Variants in NOBOX observed in about 807,000 individuals in gnomAD.
The protein encoded by NOBOX is NOBOX oogenesis homeobox, also known as homeobox protein NOBOX.
In NOBOX, 46 loss-of-function variants were observed where a neutral mutation model predicts 60.2. The ratio of observed to expected loss-of-function variants is 0.76; its 90% confidence interval spans 0.60 to 0.98. The LOEUF is 0.98. Among genes scored for constraint, NOBOX ranks in the 50% least tolerant of loss-of-function variants. The pLI is 0.00. For synonymous variants in NOBOX, 360 were observed against 346.3 expected (o/e 1.04, Z -0.44); for missense variants, 880 against 865.5 (o/e 1.02, Z -0.21).
chr7:144,409,590 T>C (rs959072327), intron 1 of NOBOX, among the ~76,000 whole-genome samples: 10 of 152,250 alleles, frequency 6.6e-5, no homozygotes, highest in Admixed American at 1.3e-4. Context: ...GGCAGTACTG[T>C]TATTTAACTA....
chr7:144,401,954 C>T lies in NOBOX; in HGVS notation c.211-4G>A, dbSNP rs375312683. 1.8e-5 allele frequency: 29 copies of T among 1,605,926 alleles called. No individual in the cohort carries two copies. Among genetic ancestry groups the T allele is most frequent in the South Asian group, 3.3e-5 (3 of 90,694 alleles). On this transcript the variant is annotated splice_polypyrimidine_tract_variant and splice_region_variant and intron_variant, in intron 2 of 9. Transcript: ENST00000467773. The surrounding 1 kb of genome is among the most constrained non-coding windows in gnomAD (Gnocchi z 4.2). ...TCTCTAAGGGATCATGTTGGGGCTG[C>T]GGATGGACCAGGAAGACAAAGAGAA...
At chr7:144,402,012 C>T (rs989011365) in intron 2 of NOBOX, 21 of 1,263,402 alleles carry the variant, frequency 1.7e-5, no homozygotes, top group African/African-American at 7.4e-5. Context: ...TCTCCCAAGG[C>T]GGGATGCTGT....
chr7:144,398,629 G>A, intron 8 of NOBOX, 43 bp from the exon 7 acceptor site: 2 of 1,385,574 alleles, frequency 1.4e-6, no homozygotes, highest in Non-Finnish European at 2.0e-6. Context: ...AGGGGTGGGG[G>A]AGCTCCCCGT....
At position 144,402,748 on chromosome 7, in the gene NOBOX, A is replaced by ATTTT. The variant is rs1218483822; in HGVS notation, c.211-802_211-799dup. The stretch of plus-strand genomic sequence containing the variant: ...CATGAGATAGGTCTTAAGGAATAAC[A>ATTTT]TTTTTTTTTTTTTTTTTTTTTTTTT... On this transcript the variant is annotated intron_variant, in intron 2 of 9. Coordinates refer to ENST00000467773, the MANE Select transcript of NOBOX (RefSeq NM_001080413.3). Among the ~76,000 whole-genome samples the ATTTT allele has an allele frequency of 2.6e-4, 24 of 93,418 alleles. 1 individual carries two copies. Among genetic ancestry groups the ATTTT allele is most frequent in the African/African-American group, 5.3e-4 (12 of 22,532 alleles). 61.3% of individuals were successfully genotyped at this position (93,418 alleles called of 152,430 possible). A position where few individuals can be genotyped will look rare whatever the true frequency, so the allele number is the denominator to read the frequency against.
At chr7:144,409,845 C>A (rs906462663) in intron 1 of NOBOX, among the ~76,000 whole-genome samples, 1 of 152,148 alleles carries the variant, frequency 6.6e-6, no homozygotes, top group African/African-American at 2.4e-5. Flanking sequence ...GATAGCTAAG[C>A]GTAACTTCAA....
chr7:144,403,581 T>C lies in NOBOX; in HGVS notation c.210+975A>G, dbSNP rs577140295. Reference sequence around the variant, plus strand: ...GCTCTTAGGTCGGCTAACGCTGACCTGGTGATCACAGGCCTCCCCCCCTCC... The same window carrying C: ...GCTCTTAGGTCGGCTAACGCTGACCCGGTGATCACAGGCCTCCCCCCCTCC... On this transcript the variant is annotated intron_variant, in intron 2 of 9. Coordinates refer to ENST00000467773, the MANE Select transcript of NOBOX (RefSeq NM_001080413.3). The C allele has an allele frequency of 5.3e-4, 234 of 439,660 alleles. 1 individual carries two copies. In the African/African-American group the frequency reaches 5.5e-3, roughly 10 times the overall value. 27.2% of individuals were successfully genotyped at this position (439,660 alleles called of 1,614,324 possible). A position where few individuals can be genotyped will look rare whatever the true frequency, so the allele number is the denominator to read the frequency against.
At position 144,397,385 on chromosome 7, in the gene NOBOX, G is replaced by A; in HGVS notation, c.1931C>T (p.Ala644Val). 1 of 1,537,264 alleles carries A rather than the reference G, an allele frequency of 6.5e-7. No individual in the cohort carries two copies. Among genetic ancestry groups the A allele is most frequent in the Non-Finnish European group, 8.7e-7 (1 of 1,146,906 alleles). ...GGCCCCTTCAGGCATCCATGAGAGA[G>A]CTGACGAAGGCTGCCTGCCCAGAGC... Residue 644 changes from alanine (A) to valine (V), a missense_variant, in exon 10 of 10, where the codon GCT becomes GTT. Ala to Val is a moderately conservative substitution (Grantham distance 64, BLOSUM62 0). Coordinates refer to ENST00000467773, the MANE Select transcript of NOBOX (RefSeq NM_001080413.3).
Position 144,398,460 on chromosome 7 carries a change from C to T in NOBOX, c.1596G>A (p.Gln532=). 6.5e-7 allele frequency: 1 copy of T among 1,537,132 alleles called. No homozygotes were observed. Residue 532 remains glutamine (Q), a synonymous_variant, in exon 9 of 10, where the codon CAG becomes CAA. Coordinates refer to ENST00000467773, the MANE Select transcript of NOBOX (RefSeq NM_001080413.3). ...AAGTGGGGAGGTAGGGCAACTTGGG[C>T]TGAGGGGACTGGAAAAGCGGGGGCT... is the stretch of plus-strand genomic sequence containing the variant.
Position 144,401,402 on chromosome 7 carries a change from CG to C in NOBOX, c.487del (p.Arg163AlafsTer11), listed in dbSNP as rs754069719. 8 of 1,612,542 alleles carry C rather than the reference CG, an allele frequency of 5.0e-6. No individual in the cohort carries two copies. The highest frequency in any genetic ancestry group is 5.9e-6 in the Non-Finnish European group (7 of 1,179,256). ...TCTGTCTTTGTGGGGAGCCCTGGAG[CG>C]GGGGGGCGGGCACAGTCTCCCAGCA... is the stretch of plus-strand genomic sequence containing the variant. On this transcript the variant is annotated frameshift_variant, in exon 4 of 10. Coordinates refer to ENST00000467773, the MANE Select transcript of NOBOX (RefSeq NM_001080413.3). LOFTEE classifies it high-confidence loss of function. This position sits in a 1 kb window ranked among gnomAD's most constrained non-coding sequence, Gnocchi z 4.2.
chr7:144,404,236 C>T (rs1016218386), intron 2 of NOBOX, among the ~76,000 whole-genome samples: 2 of 152,156 alleles, frequency 1.3e-5, no homozygotes, highest in African/African-American at 4.8e-5. Flanking sequence ...GCTTCAAAGT[C>T]CCCTTCCTGA....
chr7:144,398,928 C>T, intron 8 of NOBOX, 22 bp downstream of exon 6: 2 of 1,372,568 alleles, frequency 1.5e-6, no homozygotes, highest in Non-Finnish European at 2.0e-6. Flanking sequence ...ACTAGAGTGA[C>T]CTACCCCCGT....
intron 2 of NOBOX, among the ~76,000 whole-genome samples, 196 bp downstream of exon 1, chr7:144,403,461 G>A (rs962190268): frequency 6.6e-6 from 1 of 151,908 alleles, no homozygotes; most frequent in African/African-American, 2.4e-5. Context: ...GGGGGAGCGG[G>A]GAGGGGGGTT....
Position 144,401,656 on chromosome 7 carries a change from G to A in NOBOX, c.293-59C>T. The A allele has an allele frequency of 6.8e-7, 1 of 1,462,340 alleles. No individual in the cohort carries two copies. The highest frequency in any genetic ancestry group is 9.1e-7 in the Non-Finnish European group (1 of 1,102,070). The allele number at this position is 1,462,340 out of a possible 1,614,324, so 90.6% of individuals were successfully genotyped here. A position where few individuals can be genotyped will look rare whatever the true frequency, so the allele number is the denominator to read the frequency against. On this transcript the variant is annotated intron_variant, in intron 3 of 9. Transcript: ENST00000467773. The surrounding 1 kb of genome is among the most constrained non-coding windows in gnomAD (Gnocchi z 4.2). ...CAGGGAGAAGGAAGAACTGGACCAAGAGGAAGTGCTGCTTCCTGCTTTGCA... is the reference window on the plus strand; with the variant it reads ...CAGGGAGAAGGAAGAACTGGACCAAAAGGAAGTGCTGCTTCCTGCTTTGCA...
chr7:144,400,999 C>T, intron 4 of NOBOX, 47 bp downstream of exon 2: 1 of 1,433,474 alleles, frequency 7.0e-7, no homozygotes, highest in East Asian at 2.3e-5. Context: ...CCACCTTTCC[C>T]CAGGATGACC....
In NOBOX at chr7:144,398,558, A is replaced by T. The variant is rs1305303219; in HGVS notation, c.1498T>A (p.Leu500Met). 6.5e-7 allele frequency: 1 copy of T among 1,536,148 alleles called. No homozygotes were observed. The highest frequency in any genetic ancestry group is 2.0e-5 in the Admixed American group (1 of 50,958). ...TAATCCTGGGGCTCCAGCTCCTCCAAATATGAACAGGGGGGTGGCAGGGTG... is the reference window on the plus strand; with the variant it reads ...TAATCCTGGGGCTCCAGCTCCTCCATATATGAACAGGGGGGTGGCAGGGTG... Residue 500 changes from leucine to methionine, a missense_variant, in exon 9 of 10, where the codon TTG (leucine) becomes ATG (methionine). By Grantham distance (15) the Leu-to-Met change is conservative. Coordinates refer to ENST00000467773, the MANE Select transcript of NOBOX (RefSeq NM_001080413.3).
intron 1 of NOBOX, among the ~76,000 whole-genome samples, chr7:144,409,012 C>T (rs113268197): frequency 2.6e-5 from 4 of 152,072 alleles, no homozygotes; most frequent in Non-Finnish European, 2.9e-5. Context: ...AGATGTAAAA[C>T]GGGGAAAGTG....
Position 144,401,378 on chromosome 7 carries a change from C to T in NOBOX, c.512G>A (p.Arg171Lys), listed in dbSNP as rs774224840. 73 of 1,613,672 alleles carry T rather than the reference C, an allele frequency of 4.5e-5. No individual in the cohort carries two copies. In the South Asian group the frequency reaches 8.0e-4, roughly 18 times the overall value. The change falls in exon 4 of 10, where the codon AGA (arginine) becomes AAA (lysine). Residue 171 changes from arginine to lysine, a missense_variant. By Grantham distance (26) the Arg-to-Lys change is conservative. Transcript: ENST00000467773. This position sits in a 1 kb window ranked among gnomAD's most constrained non-coding sequence, Gnocchi z 4.2. The stretch of plus-strand genomic sequence containing the variant: ...CTGGGGCCTGGAGCGGGCTAGAGTT[C>T]TGTCTTTGTGGGGAGCCCTGGAGCG...
chr7:144,399,148 G>C lies in NOBOX; in HGVS notation c.1271C>G (p.Thr424Ser), dbSNP rs576556766. Residue 424 changes from threonine to serine, a missense_variant, in exon 8 of 10, where the codon ACT (threonine) becomes AGT (serine). Coordinates refer to ENST00000467773, the MANE Select transcript of NOBOX (RefSeq NM_001080413.3). ...CTCACTGGGTTGGGTGGGGGCCAAA[G>C]TCTGGTCAGAAGTCAGCAGCATGGG... 3.2e-6 allele frequency: 5 copies of C among 1,570,960 alleles called. No homozygotes were observed. The highest frequency in any genetic ancestry group is 3.4e-5 in the Admixed American group (2 of 58,636).
rs2053933844 is a variant in NOBOX at position 144,401,018 on chromosome 7, C to T, written c.844+28G>A. On this transcript the variant is annotated intron_variant, in intron 4 of 9. Coordinates refer to ENST00000467773, the MANE Select transcript of NOBOX (RefSeq NM_001080413.3). This position sits in a 1 kb window ranked among gnomAD's most constrained non-coding sequence, Gnocchi z 4.2. Reference sequence around the variant, plus strand: ...CTTTCCCCAGGATGACCCCAGATCTCTTCGGTTTCCTCTCTTTAGGGACTT... The same window carrying T: ...CTTTCCCCAGGATGACCCCAGATCTTTTCGGTTTCCTCTCTTTAGGGACTT... The T allele has an allele frequency of 6.7e-7, 1 of 1,484,666 alleles. No individual in the cohort carries two copies. The highest frequency in any genetic ancestry group is 1.4e-5 in the African/African-American group (1 of 71,306). The allele number at this position is 1,484,666 out of a possible 1,614,324, so 92.0% of individuals were successfully genotyped here.
Sources: allele counts gnomAD v4.1 joint callset (sites outside exome capture counted in the v4.1 genomes callset), GRCh38; gene constraint gnomAD v4.1.1; non-coding constraint Gnocchi (gnomAD v3.1); transcripts MANE v1.5; gene names NCBI Gene and HGNC (gene_info 2026-07-23, HGNC 2026-07-21).